The following MAN2A2 variants were observed in gnomAD, a reference collection of about 807,000 sequenced individuals.
MAN2A2 encodes mannosidase alpha class 2A member 2.
MAN2A2 carries 79 observed loss-of-function variants against 126.8 expected under a neutral mutation model. The ratio of observed to expected loss-of-function variants is 0.62; its 90% CI spans 0.52 to 0.75. The LOEUF is 0.75. Ranked by LOEUF, MAN2A2 falls within the 30% of genes least tolerant of loss-of-function variation. The pLI is 0.00. For missense variants in MAN2A2, 1,392 were observed against 1,522.4 expected, an observed-to-expected ratio of 0.91 and a Z score of 1.43; for synonymous variants, 671 against 618.7, an observed-to-expected ratio of 1.08 and a Z score of -1.25.
chr15:90,909,882 C>A (rs1052120625), intron 9 of MAN2A2, among the ~76,000 whole-genome samples: 1 of 152,172 alleles, frequency 6.6e-6, no homozygotes, highest in African/African-American at 2.4e-5. Context: ...GGATTACAGG[C>A]GTGAGCCACC....
intron 8 of MAN2A2, among the ~76,000 whole-genome samples, chr15:90,908,248 A>G (rs2034450170): frequency 6.6e-6 from 1 of 152,232 alleles, no homozygotes; most frequent in South Asian, 2.1e-4. Context: ...CTGAAAGGTA[A>G]CCATTTTCTC....
Position 90,912,150 on chromosome 15 carries a change from C to T in MAN2A2, c.2217C>T (p.His739=), listed in dbSNP as rs143769441. 177 of 1,613,902 alleles carry T rather than the reference C, an allele frequency of 1.1e-4. No homozygotes were observed. The African/African-American group carries it at 1.5e-3, about 13-fold the overall frequency. Residue 739 remains histidine, a synonymous_variant, in exon 15 of 23, where the codon CAC becomes CAT. Transcript: ENST00000559717. The part of the protein sequence containing the change: ...TLPSSVRIYL[H]GRQLSVSRHE... ...CCTCCTCTGTGCGCATCTACCTGCA[C>T]GGCCGGCAGCTGTCCGTCAGCAGGC... is the stretch of plus-strand genomic sequence containing the variant.
intron 20 of MAN2A2, 55 bp downstream of exon 20, chr15:90,916,311 G>A: frequency 6.3e-7 from 1 of 1,586,380 alleles, no homozygotes; most frequent in Non-Finnish European, 8.6e-7. Flanking sequence ...CCTGGGGGTG[G>A]CCGGGGGGTC....
Position 90,918,295 on chromosome 15 carries a change from G to A in MAN2A2, c.3096G>A (p.Gln1032=). Residue 1032 remains glutamine, a synonymous_variant, in exon 21 of 23, where the codon CAG becomes CAA. Coordinates refer to ENST00000559717, the MANE Select transcript of MAN2A2 (RefSeq NM_006122.4). ...TCGCTCTGCCTGTAGCCAGGATGCAGCTCCCAGGCCCTGGTCTGCGCTCAT... is the reference window on the plus strand; with the variant it reads ...TCGCTCTGCCTGTAGCCAGGATGCAACTCCCAGGCCCTGGTCTGCGCTCAT... ...PALALPVARM[Q]LPGPGLRSFH... 6.2e-7 allele frequency: 1 copy of A among 1,614,178 alleles called. No homozygotes were observed. The highest frequency in any genetic ancestry group is 8.5e-7 in the Non-Finnish European group (1 of 1,180,024).
intron 8 of MAN2A2, among the ~76,000 whole-genome samples, chr15:90,908,764 C>T (rs1447166265): frequency 2.0e-5 from 3 of 152,010 alleles, no homozygotes; most frequent in African/African-American, 7.2e-5. Context: ...TTAGTAGAGA[C>T]AGGGTTTCAC....
intron 8 of MAN2A2, among the ~76,000 whole-genome samples, chr15:90,907,766 A>T (rs535425692): frequency 7.4e-4 from 112 of 152,340 alleles, no homozygotes; most frequent in African/African-American, 2.6e-3. Flanking sequence ...CCCAGGTTAG[A>T]TGTATGTTAC....
At position 90,911,508 on chromosome 15, in the gene MAN2A2, A is replaced by G; in HGVS notation, c.2067A>G (p.Ala689=). 1 of 1,613,908 alleles carries G rather than the reference A, an allele frequency of 6.2e-7. No individual in the cohort carries two copies. Among genetic ancestry groups the G allele is most frequent in the Non-Finnish European group, 8.5e-7 (1 of 1,179,958 alleles). The change falls in exon 14 of 23, where the codon GCA becomes GCG. Residue 689 remains alanine (A), a synonymous_variant. Coordinates refer to ENST00000559717, the MANE Select transcript of MAN2A2 (RefSeq NM_006122.4). Reference sequence around the variant, plus strand: ...AGCCCCTGGCCGTGCAGATCAGCGCACACTGGAGCTCTGCCACCGAGGCGG... The same window carrying G: ...AGCCCCTGGCCGTGCAGATCAGCGCGCACTGGAGCTCTGCCACCGAGGCGG... The part of the protein sequence containing the change: ...EGQPLAVQIS[A]HWSSATEAVP...
At chr15:90,905,000 GGTGA>G (rs2034152630) in intron 2 of MAN2A2, among the ~76,000 whole-genome samples, 2 of 152,216 alleles carry the variant, frequency 1.3e-5, no homozygotes. Flanking sequence ...AGAATAGGTA[GGTGA>G]AAGGAAATCT....
chr15:90,911,093 G>C (rs2034693158), intron 12 of MAN2A2, 78 bp from the exon 13 acceptor site: 6 of 1,525,452 alleles, frequency 3.9e-6, no homozygotes, highest in Non-Finnish European at 3.6e-6. Flanking sequence ...TGCAGCCGCT[G>C]GTCCACACCT....
At chr15:90,903,998 C>T in intron 1 of MAN2A2, 192 bp from the exon 2 acceptor site, 1 of 650,354 alleles carries the variant, frequency 1.5e-6, no homozygotes, top group South Asian at 1.7e-5. Flanking sequence ...GGAGAGCGTC[C>T]TCTCCACCCT....
intron 14 of MAN2A2, 138 bp downstream of exon 14, chr15:90,911,688 G>A: frequency 1.0e-6 from 1 of 991,914 alleles, no homozygotes; most frequent in Non-Finnish European, 1.4e-6. Context: ...TGGGGAGGGG[G>A]TTGTCCAGAA....
chr15:90,914,370 T>G (rs2035008784), intron 19 of MAN2A2, among the ~76,000 whole-genome samples: 1 of 152,200 alleles, frequency 6.6e-6, no homozygotes, highest in Non-Finnish European at 1.5e-5. Flanking sequence ...ACAGTGGTTC[T>G]CAGCTGAGGT....
At position 90,906,634 on chromosome 15, in the gene MAN2A2, C is replaced by T. The variant is rs2034311753; in HGVS notation, c.836-106C>T. The T allele has an allele frequency of 4.5e-6, 7 of 1,562,896 alleles. No individual in the cohort carries two copies. The East Asian group carries it at 1.4e-4, about 30-fold the overall frequency. ...ATGTGGGCCTGGTGTGATATCATCTCTCCACTCACTACCAGGACAAGAGCT... is the reference window on the plus strand; with the variant it reads ...ATGTGGGCCTGGTGTGATATCATCTTTCCACTCACTACCAGGACAAGAGCT... On this transcript the variant is annotated intron_variant, in intron 6 of 22. Coordinates refer to ENST00000559717, the MANE Select transcript of MAN2A2 (RefSeq NM_006122.4).
chr15:90,911,680 G>A, intron 14 of MAN2A2, 130 bp downstream of exon 14: 1 of 1,060,860 alleles, frequency 9.4e-7, no homozygotes, highest in Non-Finnish European at 1.3e-6. Context: ...AAGTGTCCTG[G>A]GGAGGGGGTT....
chr15:90,907,137 C>T (rs2151296947), intron 7 of MAN2A2, 172 bp from the exon 8 acceptor site: 1 of 820,894 alleles, frequency 1.2e-6, no homozygotes, highest in South Asian at 1.7e-5. Context: ...GTGTGCCCGT[C>T]CCCTGAGGGA....
Position 90,906,450 on chromosome 15 carries a change from T to C in MAN2A2, c.788T>C (p.Leu263Ser), listed in dbSNP as rs774876491. ...GAGGCCAATTCCCACTACTTTGCAT[T>C]GATTGACCAGCTCATCGAAGGACAC... is the stretch of plus-strand genomic sequence containing the variant. ...PDEANSHYFA[L>S]IDQLIEGHQW... Residue 263 changes from leucine (L) to serine (S), a missense_variant, in exon 6 of 23, where the codon TTG (leucine) becomes TCG (serine). Leu to Ser is a moderately radical substitution (Grantham distance 145, BLOSUM62 -2). Coordinates refer to ENST00000559717, the MANE Select transcript of MAN2A2 (RefSeq NM_006122.4). 6.2e-7 allele frequency: 1 copy of C among 1,614,126 alleles called. No individual in the cohort carries two copies. The highest frequency in any genetic ancestry group is 1.7e-5 in the Admixed American group (1 of 60,022).
At position 90,907,512 on chromosome 15, in the gene MAN2A2, C is replaced by T. The variant is rs1039507880; in HGVS notation, c.1196+17C>T. ...GGCAGAGAGGTATCTGCTTCCAGCC[C>T]TTTCACTTCACAGAGGAATCGGGAG... is the stretch of plus-strand genomic sequence containing the variant. On this transcript the variant is annotated intron_variant, in intron 8 of 22. Transcript: ENST00000559717. 1.2e-6 allele frequency: 2 copies of T among 1,603,190 alleles called. No individual in the cohort carries two copies. The highest frequency in any genetic ancestry group is 2.2e-5 in the East Asian group (1 of 44,776).
chr15:90,913,647 C>A lies in MAN2A2; in HGVS notation c.2752C>A (p.Leu918Ile). The change falls in exon 19 of 23, where the codon CTC (leucine) becomes ATC (isoleucine). Residue 918 changes from leucine (L) to isoleucine (I), a missense_variant. Transcript: ENST00000559717. Reference protein sequence around the residue: ...QPRRYLKKLPLQANFYPMPVM... With the variant: ...QPRRYLKKLPIQANFYPMPVM... ...CCGACGGTATCTGAAGAAGCTCCCC[C>A]TCCAGGCCAACTTCTACCCCATGCC... 1 of 1,612,760 alleles carries A rather than the reference C, an allele frequency of 6.2e-7. No individual in the cohort carries two copies. Among genetic ancestry groups the A allele is most frequent in the Non-Finnish European group, 8.5e-7 (1 of 1,179,570 alleles).
At chr15:90,909,956 A>C (rs55689110) in intron 9 of MAN2A2, 134 bp from the exon 10 acceptor site, 27,505 of 755,216 alleles carry the variant, frequency 0.036, 643 homozygotes, top group Non-Finnish European at 0.047. Flanking sequence ...ACTTCTGTTA[A>C]GTCTAGAATG....
Sources: gnomAD v4.1 joint callset for allele counts (sites outside exome capture counted in the v4.1 genomes callset) on GRCh38, gnomAD v4.1.1 for gene constraint, MANE v1.5 for transcripts, NCBI Gene and HGNC (gene_info 2026-07-23, HGNC 2026-07-21) for gene names.